DTX4: variants seen among roughly 807,000 people sequenced by gnomAD.
DTX4 encodes E3 ubiquitin-protein ligase DTX4.
A neutral mutation model predicts 57.6 loss-of-function variants in DTX4; 28 were observed. That is an observed-to-expected ratio of 0.49 (90% CI 0.36 to 0.67). DTX4 has a LOEUF of 0.67. DTX4 is among the 30% of genes least tolerant of loss of function. The probability of loss-of-function intolerance (pLI) is 0.00; values close to 1 mark genes in which losing one functional copy is unlikely to be tolerated. For synonymous variants in DTX4, 316 were observed against 331.0 expected (o/e 0.95, Z 0.49); for missense variants, 715 against 836.8 (o/e 0.85, Z 1.80).
intron 8 of DTX4, 75 bp downstream of exon 8, chr11:59,199,848 A>G: frequency 7.7e-7 from 1 of 1,294,168 alleles, no homozygotes; most frequent in Admixed American, 2.1e-5. Context: ...CAAGGCCTAA[A>G]GTTTTGCTTC....
rs1191579294 is a variant in DTX4 at position 59,172,320 on chromosome 11, G to A, written c.-276G>A. 1.3e-5 allele frequency among the ~76,000 whole-genome samples: 2 copies of A among 151,816 alleles called. No homozygotes were observed. The highest frequency in any genetic ancestry group is 4.8e-5 in the African/African-American group (2 of 41,378). ...TTTGCAGAGAGCCGGGCATTTGCAT[G>A]AAGCGACTCGACCCCACAGAGCAGC... On this transcript the variant is annotated 5_prime_UTR_variant, in exon 1 of 9. It removes an upstream start codon present in the reference 5' UTR. Coordinates refer to ENST00000227451, the MANE Select transcript of DTX4 (RefSeq NM_015177.2).
intron 8 of DTX4, 57 bp from the exon 9 acceptor site, chr11:59,204,619 A>G: frequency 6.7e-7 from 1 of 1,486,988 alleles, no homozygotes; most frequent in Admixed American, 1.9e-5. Flanking sequence ...CGTCCAAGGG[A>G]TAGTCTTTGA....
chr11:59,194,767 T>C (rs568660642), intron 6 of DTX4: 56 of 199,544 alleles, frequency 2.8e-4, no homozygotes, highest in African/African-American at 1.2e-3. Context: ...TCCCAGTTCT[T>C]ACTCAGTGGA....
At chr11:59,191,027 C>T (rs1862590837) in intron 4 of DTX4, 87 bp from the exon 5 acceptor site, 12 of 1,271,886 alleles carry the variant, frequency 9.4e-6, no homozygotes, top group South Asian at 1.4e-5. Context: ...TGCCTGATAA[C>T]GTCCCCCTCT....
At chr11:59,178,718 T>G (rs1420752448) in intron 1 of DTX4, among the ~76,000 whole-genome samples, 1 of 152,202 alleles carries the variant, frequency 6.6e-6, no homozygotes, top group East Asian at 1.9e-4. Context: ...CAGCTCAGGC[T>G]TCCTGAGGGT....
chr11:59,180,660 T>A (rs1862452342), intron 1 of DTX4, among the ~76,000 whole-genome samples: 1 of 152,042 alleles, frequency 6.6e-6, no homozygotes, highest in African/African-American at 2.4e-5. Context: ...GAGCTAGACA[T>A]CTTTAGCCTT....
intron 8 of DTX4, among the ~76,000 whole-genome samples, chr11:59,201,356 G>A (rs972628773): frequency 6.6e-6 from 1 of 152,216 alleles, no homozygotes; most frequent in Non-Finnish European, 1.5e-5. Flanking sequence ...TCGGCTCCAC[G>A]TGTCTTCCTG....
intron 6 of DTX4, among the ~76,000 whole-genome samples, chr11:59,194,430 A>G (rs1293279073): frequency 6.6e-6 from 1 of 151,998 alleles, no homozygotes; most frequent in Admixed American, 6.6e-5. Context: ...ATCCTCATTT[A>G]CTCCAGCTCT....
rs751061463 is a variant in DTX4 at position 59,195,358 on chromosome 11, C to G, written c.1525C>G (p.Pro509Ala). The G allele has an allele frequency of 1.2e-6, 2 of 1,605,458 alleles. No individual in the cohort carries two copies. The highest frequency in any genetic ancestry group is 1.1e-5 in the South Asian group (1 of 90,668). ...CATCCGGATCATCTACAGCATCCCCCCCGGCATTCAGGTGAGCCTTTCTCT... is the reference window on the plus strand; with the variant it reads ...CATCCGGATCATCTACAGCATCCCCGCCGGCATTCAGGTGAGCCTTTCTCT... Reference protein sequence around the residue: ...KTIRIIYSIPPGIQGPEHPNP... With the variant: ...KTIRIIYSIPAGIQGPEHPNP... The change falls in exon 7 of 9, where the codon CCC becomes GCC. Residue 509 changes from proline to alanine, a missense_variant. Transcript: ENST00000227451.
Position 59,172,754 on chromosome 11 carries a change from C to G in DTX4, c.159C>G (p.Leu53=). 1 of 1,602,716 alleles carries G rather than the reference C, an allele frequency of 6.2e-7. No individual in the cohort carries two copies. The change falls in exon 1 of 9, where the codon CTC becomes CTG. Residue 53 remains leucine, a synonymous_variant. Coordinates refer to ENST00000227451, the MANE Select transcript of DTX4 (RefSeq NM_015177.2). ...SVVLGQVDSR[L]APYIIDLQSM... ...TGCTGGGCCAGGTGGACAGCCGTCT[C>G]GCGCCCTACATCATCGACCTGCAGT...
Position 59,192,150 on chromosome 11 carries a change from C to G in DTX4, c.1274C>G (p.Pro425Arg), listed in dbSNP as rs372596030. The G allele has an allele frequency of 1.6e-5, 26 of 1,613,788 alleles. No homozygotes were observed. The Middle Eastern group carries it at 5.0e-4, about 31-fold the overall frequency. ...RLTAPSGYKG[P>R]QPTVKPDLVG... is the part of the protein sequence containing the mutation. ...ACGGCCCCCTCAGGCTACAAGGGCC[C>G]GCAGCCTACGGTAAAACCTGACCTG... Residue 425 changes from proline to arginine, a missense_variant, in exon 6 of 9, where the codon CCG becomes CGG. Pro to Arg is a moderately radical substitution (Grantham distance 103). Coordinates refer to ENST00000227451, the MANE Select transcript of DTX4 (RefSeq NM_015177.2).
At chr11:59,185,922 G>A (rs1366574416) in intron 2 of DTX4, among the ~76,000 whole-genome samples, 4 of 152,130 alleles carry the variant, frequency 2.6e-5, no homozygotes, top group Non-Finnish European at 5.9e-5. Flanking sequence ...TCACGGCTGT[G>A]GTAACTTAGA....
At chr11:59,177,889 A>G (rs1366875757) in intron 1 of DTX4, among the ~76,000 whole-genome samples, 1 of 152,236 alleles carries the variant, frequency 6.6e-6, no homozygotes, top group African/African-American at 2.4e-5. Flanking sequence ...TGGAGTGCCT[A>G]GGACATGCAG....
At chr11:59,193,622 CTTTCAAAAATG>C (rs1334084077) in intron 6 of DTX4, among the ~76,000 whole-genome samples, 1 of 152,174 alleles carries the variant, frequency 6.6e-6, no homozygotes, top group African/African-American at 2.4e-5. Flanking sequence ...TTCCATGGGG[CTTTCAAAAATG>C]TTTCTCAAGA....
rs760781760 is a variant in DTX4, at chr11:59,182,336, C to A, written c.809C>A (p.Thr270Asn). 8.7e-6 allele frequency: 14 copies of A among 1,613,160 alleles called. No individual in the cohort carries two copies. The South Asian group carries it at 1.2e-4, about 14-fold the overall frequency. ...RQASSMPTGT[T>N]MGSPASPPGP... is the part of the protein sequence containing the mutation. ...GCCTCCAGCATGCCCACTGGGACAA[C>A]CATGGGCTCTCCTGCCAGTCCCCCA... The change falls in exon 2 of 9, where the codon ACC becomes AAC. Residue 270 changes from threonine to asparagine, a missense_variant. Transcript: ENST00000227451.
rs1171915717 is a variant in DTX4, at chr11:59,206,646, C to T, written c.*1737C>T. Reference sequence around the variant, plus strand: ...GAGGCCAATCTTTCATAAAGCCAGCCCCATAGCTGCTTGCTGTTAGGCCTC... The same window carrying T: ...GAGGCCAATCTTTCATAAAGCCAGCTCCATAGCTGCTTGCTGTTAGGCCTC... On this transcript the variant is annotated 3_prime_UTR_variant, in exon 9 of 9. Transcript: ENST00000227451. 1 of 152,432 alleles carries T rather than the reference C, an allele frequency of 6.6e-6. No homozygotes were observed. The highest frequency in any genetic ancestry group is 6.5e-5 in the Admixed American group (1 of 15,270). 9.4% of individuals were successfully genotyped at this position (152,432 alleles called of 1,614,324 possible).
chr11:59,191,245 G>C (rs1047794779), intron 5 of DTX4, 70 bp downstream of exon 5: 19 of 1,464,696 alleles, frequency 1.3e-5, no homozygotes, highest in Non-Finnish European at 1.8e-5. Context: ...TCTGCTGTTG[G>C]TTTCTACAGG....
intron 7 of DTX4, among the ~76,000 whole-genome samples, chr11:59,198,962 G>GT (rs1011015342): frequency 7.2e-5 from 11 of 152,178 alleles, no homozygotes; most frequent in Non-Finnish European, 1.5e-4. Context: ...TTGTGCTTCA[G>GT]TTTTTTTCTC....
chr11:59,199,697 C>G lies in DTX4; in HGVS notation c.1550C>G (p.Pro517Arg). ...TTCTGCTTTCAGGGACCGGAACACC[C>G]GAATCCTGGGAAGAGTTTCAGCGCC... is the stretch of plus-strand genomic sequence containing the variant. The part of the protein sequence containing the change: ...IPPGIQGPEH[P>R]NPGKSFSARG... The change falls in exon 8 of 9, where the codon CCG becomes CGG. Residue 517 changes from proline (P) to arginine (R), a missense_variant. Coordinates refer to ENST00000227451, the MANE Select transcript of DTX4 (RefSeq NM_015177.2). The G allele has an allele frequency of 6.3e-7, 1 of 1,576,068 alleles. No homozygotes were observed. Among genetic ancestry groups the G allele is most frequent in the Non-Finnish European group, 8.6e-7 (1 of 1,160,610 alleles).
Sources: gnomAD v4.1 joint callset for allele counts (sites outside exome capture counted in the v4.1 genomes callset) on GRCh38, gnomAD v4.1.1 for gene constraint, MANE v1.5 for transcripts, NCBI Gene and HGNC (gene_info 2026-07-23, HGNC 2026-07-21) for gene names.